Variants in MEIS1 observed in about 807,000 individuals in gnomAD.
The protein encoded by MEIS1 is Meis homeobox 1.
A neutral mutation model predicts 50.8 loss-of-function variants in MEIS1; 5 were observed. The ratio of observed to expected loss-of-function variants is 0.10; its 90% CI spans 0.05 to 0.21. The LOEUF is 0.21. Ranked by LOEUF, MEIS1 falls within the 10% of genes least tolerant of loss-of-function variation. The pLI is 1.00. For missense variants in MEIS1, 318 were observed against 517.3 expected (o/e 0.61, Z 3.74); for synonymous variants, 176 against 179.3 (o/e 0.98, Z 0.15).
chr2:66,456,799 T>G (rs868661479), intron 6 of MEIS1, among the ~76,000 whole-genome samples: 7 of 152,212 alleles, frequency 4.6e-5, no homozygotes, highest in Non-Finnish European at 8.8e-5. Context: ...CTGCCAAAGA[T>G]GAGTGTGGGC....
At chr2:66,518,786 T>C (rs951912256) in intron 8 of MEIS1, among the ~76,000 whole-genome samples, 1 of 152,210 alleles carries the variant, frequency 6.6e-6, no homozygotes, top group Non-Finnish European at 1.5e-5. Flanking sequence ...TCTTTCTTCA[T>C]GTTTAAGATT....
chr2:66,489,764 T>G (rs1282442013), intron 7 of MEIS1, among the ~76,000 whole-genome samples: 5 of 152,158 alleles, frequency 3.3e-5, no homozygotes, highest in Non-Finnish European at 7.3e-5. Flanking sequence ...TGGATAAGAG[T>G]TAAGCAAATT....
intron 12 of MEIS1, chr2:66,569,812 G>T (rs1286390852): frequency 1.3e-5 from 2 of 152,632 alleles, no homozygotes; most frequent in Non-Finnish European, 2.9e-5. Context: ...GCCATCACTT[G>T]CAGTGTGACA....
At chr2:66,550,565 A>G (rs950285137) in intron 9 of MEIS1, among the ~76,000 whole-genome samples, 4 of 151,952 alleles carry the variant, frequency 2.6e-5, no homozygotes, top group African/African-American at 9.7e-5. Flanking sequence ...TGGTGTGAAC[A>G]TGGCTCACTG....
chr2:66,534,392 G>A (rs111966903), intron 8 of MEIS1, among the ~76,000 whole-genome samples: 11 of 152,050 alleles, frequency 7.2e-5, no homozygotes, highest in South Asian at 4.1e-4. Context: ...AAATTAGCTC[G>A]TCATGGTGGA....
intron 12 of MEIS1, chr2:66,569,394 A>G: frequency 4.1e-6 from 1 of 245,452 alleles, no homozygotes; most frequent in South Asian, 8.2e-5. Context: ...AACAAGAAGC[A>G]GTCAGGAGGT....
chr2:66,488,776 G>T (rs1673202121), intron 7 of MEIS1, among the ~76,000 whole-genome samples: 1 of 152,202 alleles, frequency 6.6e-6, no homozygotes, highest in South Asian at 2.1e-4. Context: ...GAATATATCT[G>T]TCCCAGCACA....
At chr2:66,438,047 G>A in intron 2 of MEIS1, 84 bp downstream of exon 2, 1 of 1,231,050 alleles carries the variant, frequency 8.1e-7, no homozygotes, top group Non-Finnish European at 1.1e-6. Flanking sequence ...GAAAGTCAGA[G>A]TTCTCTGGAT....
At chr2:66,568,783 C>T in intron 11 of MEIS1, 27 bp downstream of exon 11, 1 of 1,588,458 alleles carries the variant, frequency 6.3e-7, no homozygotes, top group Non-Finnish European at 8.6e-7. Flanking sequence ...GTGGTAGTTC[C>T]TCATTTTTGA....
chr2:66,553,534 A>C (rs1486719609), intron 9 of MEIS1, among the ~76,000 whole-genome samples: 1 of 152,242 alleles, frequency 6.6e-6, no homozygotes, highest in Admixed American at 6.5e-5. Flanking sequence ...TTTAGCTTGC[A>C]TATTGCCTGA....
intron 8 of MEIS1, among the ~76,000 whole-genome samples, chr2:66,518,994 C>G (rs555654982): frequency 1.2e-4 from 19 of 152,306 alleles, no homozygotes; most frequent in Non-Finnish European, 2.4e-4. Flanking sequence ...ATATCTGTCT[C>G]TCATGCTAAA....
chr2:66,534,454 A>G (rs1674470335), intron 8 of MEIS1, among the ~76,000 whole-genome samples: 1 of 152,044 alleles, frequency 6.6e-6, no homozygotes, highest in African/African-American at 2.4e-5. Context: ...GGATTGCTTG[A>G]ACCTGGGAGG....
chr2:66,539,569 T>A (rs1388856499), intron 8 of MEIS1, among the ~76,000 whole-genome samples: 1 of 152,334 alleles, frequency 6.6e-6, no homozygotes, highest in East Asian at 1.9e-4. Flanking sequence ...CTTTGTCCTT[T>A]CTGTGCTCAA....
At chr2:66,548,256 G>A (rs1484475358) in intron 9 of MEIS1, among the ~76,000 whole-genome samples, 3 of 152,206 alleles carry the variant, frequency 2.0e-5, no homozygotes, top group African/African-American at 7.2e-5. Context: ...CATAGTATAA[G>A]TATGTGTGTA....
chr2:66,458,111 C>T (rs1672436754), intron 6 of MEIS1, among the ~76,000 whole-genome samples: 1 of 152,076 alleles, frequency 6.6e-6, no homozygotes. Flanking sequence ...TCTCAATTAT[C>T]CACCTTTTTG....
At chr2:66,482,544 G>A (rs1307209683) in intron 7 of MEIS1, among the ~76,000 whole-genome samples, 1 of 152,190 alleles carries the variant, frequency 6.6e-6, no homozygotes, top group African/African-American at 2.4e-5. Context: ...GTTAGAAAGA[G>A]AGAATACAGA....
chr2:66,571,077 G>T, intron 12 of MEIS1, 169 bp from the exon 13 acceptor site: 1 of 679,694 alleles, frequency 1.5e-6, no homozygotes. Flanking sequence ...TTTCCAGCAT[G>T]ATGTTTCTCA....
intron 8 of MEIS1, among the ~76,000 whole-genome samples, chr2:66,531,631 G>T (rs1674392497): frequency 6.6e-6 from 1 of 152,174 alleles, no homozygotes; most frequent in African/African-American, 2.4e-5. Flanking sequence ...AACGCATAAA[G>T]GCGAGGGTCA....
chr2:66,446,268 C>G (rs1359148098), intron 6 of MEIS1, among the ~76,000 whole-genome samples: 2 of 152,230 alleles, frequency 1.3e-5, no homozygotes, highest in Admixed American at 1.3e-4. Flanking sequence ...GAGGAGAGGC[C>G]TGGCCACCCA....
Sources: allele counts gnomAD v4.1 joint callset (sites outside exome capture counted in the v4.1 genomes callset), GRCh38; gene constraint gnomAD v4.1.1; transcripts MANE v1.5; gene names NCBI Gene and HGNC (gene_info 2026-07-23, HGNC 2026-07-21).